USP24: variants seen among roughly 807,000 people sequenced by gnomAD.
The protein encoded by USP24 is ubiquitin specific peptidase 24.
USP24 carries 97 observed loss-of-function variants against 361.6 expected under a neutral mutation model. The ratio of observed to expected loss-of-function variants is 0.27; its 90% CI spans 0.23 to 0.32. The LOEUF (loss-of-function observed/expected upper bound fraction) is 0.32. Ranked by LOEUF, USP24 falls within the 10% of genes least tolerant of loss-of-function variation. The pLI, the probability that USP24 is intolerant of heterozygous loss-of-function variation, is 1.00. For missense variants in USP24, 2,353 were observed against 3,165.6 expected, an observed-to-expected ratio of 0.74 and a Z score of 6.16; for synonymous variants, 1,098 against 1,124.6, an observed-to-expected ratio of 0.98 and a Z score of 0.47.
intron 36 of USP24, among the ~76,000 whole-genome samples, chr1:55,122,519 C>G (rs1198819071): frequency 6.6e-6 from 1 of 152,030 alleles, no homozygotes; most frequent in Non-Finnish European, 1.5e-5. Flanking sequence ...TTTAGAAGGT[C>G]CACCCTGGTT....
In USP24 at chr1:55,123,533, T is replaced by A; in HGVS notation, c.4190A>T (p.Gln1397Leu). The change falls in exon 36 of 68, where the codon CAG becomes CTG. Residue 1397 changes from glutamine to leucine, a missense_variant. Gln to Leu is a moderately radical substitution (Grantham distance 113, BLOSUM62 -2). Transcript: ENST00000294383. Reference protein sequence around the residue: ...ALHAGICVRQQSVSTKDSLIA... With the variant: ...ALHAGICVRQLSVSTKDSLIA... ...CAGCGAGTCTTTGGTGGATACAGAC[T>A]GTTGTCGAACACAGATTCCCGCATG... 6.2e-7 allele frequency: 1 copy of A among 1,603,110 alleles called. No individual in the cohort carries two copies. The highest frequency in any genetic ancestry group is 8.5e-7 in the Non-Finnish European group (1 of 1,174,794).
intron 7 of USP24, among the ~76,000 whole-genome samples, chr1:55,162,495 A>G (rs1648395118): frequency 6.6e-6 from 1 of 152,200 alleles, no homozygotes; most frequent in African/African-American, 2.4e-5. Flanking sequence ...ATATGTCAAT[A>G]AAACATCTTT....
At chr1:55,115,845 G>T (rs1372271717) in intron 38 of USP24, among the ~76,000 whole-genome samples, 1 of 152,166 alleles carries the variant, frequency 6.6e-6, no homozygotes, top group Non-Finnish European at 1.5e-5. Context: ...CCATAGAAAA[G>T]GATGAGTTCA....
intron 24 of USP24, among the ~76,000 whole-genome samples, chr1:55,139,425 G>T (rs1227766948): frequency 6.6e-6 from 1 of 152,148 alleles, no homozygotes; most frequent in Non-Finnish European, 1.5e-5. Flanking sequence ...TGAACTGCCT[G>T]AGAATTAGAA....
Position 55,143,036 on chromosome 1 carries a change from T to C in USP24, c.2523A>G (p.Glu841=). The C allele has an allele frequency of 6.5e-7, 1 of 1,533,006 alleles. No homozygotes were observed. The highest frequency in any genetic ancestry group is 8.8e-7 in the Non-Finnish European group (1 of 1,141,242). The allele number at this position is 1,533,006 out of a possible 1,614,324, so 95.0% of individuals were successfully genotyped here. Residue 841 remains glutamate, a synonymous_variant, in exon 22 of 68, where the codon GAA becomes GAG. Coordinates refer to ENST00000294383, the MANE Select transcript of USP24 (RefSeq NM_015306.3). ...MESPDEEIAN[E]AIQLIINYSY... ...TATAGTTTATGATTAGCTGAATAGC[T>C]TCATTAGCAATTTCTTCATCAGGTG...
chr1:55,206,051 T>C lies in USP24; in HGVS notation c.324+8739A>G, dbSNP rs146103649. ...CAAACAACAGCAAGAAACAGAACCC[T>C]GAACAGAAAGGTACAGTCTCCCAAA... On this transcript the variant is annotated intron_variant, in intron 1 of 67. Transcript: ENST00000294383. Among the ~76,000 whole-genome samples the C allele has an allele frequency of 3.0e-4, 45 of 152,282 alleles. No individual in the cohort carries two copies. The East Asian group carries it at 7.9e-3, about 27-fold the overall frequency.
chr1:55,144,648 G>C (rs1646979961), intron 20 of USP24, among the ~76,000 whole-genome samples: 1 of 152,140 alleles, frequency 6.6e-6, no homozygotes, highest in Non-Finnish European at 1.5e-5. Flanking sequence ...AAAACCATTA[G>C]ATTTGGCCGG....
At chr1:55,083,440 GA>G in intron 57 of USP24, 76 bp from the exon 58 acceptor site, 1 of 1,406,858 alleles carries the variant, frequency 7.1e-7, no homozygotes, top group Non-Finnish European at 9.8e-7. Context: ...CAGCTAAATG[GA>G]AAGTTTTAAG....
chr1:55,197,428 T>C (rs558747469), intron 1 of USP24, among the ~76,000 whole-genome samples: 1 of 152,182 alleles, frequency 6.6e-6, no homozygotes, highest in East Asian at 1.9e-4. Flanking sequence ...TAAGACAGAG[T>C]GGGTGCTCAA....
intron 62 of USP24, among the ~76,000 whole-genome samples, chr1:55,077,017 G>C (rs1009180976): frequency 6.6e-6 from 1 of 152,092 alleles, no homozygotes; most frequent in Non-Finnish European, 1.5e-5. Context: ...TACTTGTCTT[G>C]CTCCCTCACT....
intron 5 of USP24, among the ~76,000 whole-genome samples, chr1:55,171,004 ACTT>A (rs1334356680): frequency 6.6e-6 from 1 of 152,168 alleles, no homozygotes; most frequent in Admixed American, 6.6e-5. Context: ...ATTAAACTCA[ACTT>A]CTTTCAACTG....
chr1:55,093,020 A>C (rs1391210898), intron 52 of USP24, 104 bp from the exon 53 acceptor site: 4 of 682,166 alleles, frequency 5.9e-6, no homozygotes, highest in Non-Finnish European at 9.0e-6. Context: ...AGCACTTATA[A>C]AAAGTGAATT....
chr1:55,069,142 G>A, intron 67 of USP24, 35 bp from the exon 68 acceptor site: 3 of 1,611,660 alleles, frequency 1.9e-6, no homozygotes, highest in Non-Finnish European at 1.7e-6. Flanking sequence ...AGTTCATACG[G>A]TTAGAGAAAA....
chr1:55,114,767 G>T (rs374649977), intron 38 of USP24, among the ~76,000 whole-genome samples: 1 of 152,088 alleles, frequency 6.6e-6, no homozygotes, highest in East Asian at 1.9e-4. Context: ...AGACTTAAAC[G>T]TAAGACCTAA....
intron 1 of USP24, among the ~76,000 whole-genome samples, chr1:55,214,180 C>G (rs1383670310): frequency 3.9e-5 from 6 of 151,972 alleles, no homozygotes; most frequent in Non-Finnish European, 8.8e-5. Flanking sequence ...CTTCCCTCTT[C>G]ATTTTAAATC....
chr1:55,085,087 T>C (rs960266500), intron 56 of USP24, among the ~76,000 whole-genome samples: 1 of 152,044 alleles, frequency 6.6e-6, no homozygotes, highest in Admixed American at 6.6e-5. Flanking sequence ...CTAGGTAGGA[T>C]TTTGTTTAAA....
chr1:55,158,584 C>T (rs1261831027), intron 10 of USP24, among the ~76,000 whole-genome samples: 1 of 152,186 alleles, frequency 6.6e-6, no homozygotes, highest in Non-Finnish European at 1.5e-5. Flanking sequence ...ACAAAACCAA[C>T]TGTACCCTTA....
intron 1 of USP24, among the ~76,000 whole-genome samples, chr1:55,207,338 A>T (rs1041800348): frequency 1.1e-4 from 16 of 152,092 alleles, no homozygotes; most frequent in African/African-American, 3.6e-4. Flanking sequence ...TTTTAACAGC[A>T]CATGAAGCAG....
chr1:55,195,460 G>A (rs1246086790), intron 1 of USP24, among the ~76,000 whole-genome samples: 2 of 152,180 alleles, frequency 1.3e-5, no homozygotes, highest in African/African-American at 2.4e-5. Flanking sequence ...CAGAGGCTAT[G>A]AATACATCTA....
Sources: allele counts gnomAD v4.1 joint callset (sites outside exome capture counted in the v4.1 genomes callset), GRCh38; gene constraint gnomAD v4.1.1; transcripts MANE v1.5; gene names NCBI Gene and HGNC (gene_info 2026-07-23, HGNC 2026-07-21).